Variants in SATB1 observed in about 807,000 individuals in gnomAD.
SATB1 encodes DNA-binding protein SATB1.
Under a neutral mutation model 86.9 loss-of-function variants are expected in SATB1, and 11 were observed. That is an observed-to-expected ratio of 0.13 (90% CI 0.08 to 0.21). The LOEUF (loss-of-function observed/expected upper bound fraction) is 0.21, where lower values mean the gene tolerates loss of function less well. SATB1 is among the 10% of genes least tolerant of loss of function. The pLI is 1.00. For missense variants in SATB1, 551 were observed against 937.6 expected (o/e 0.59, Z 5.39); for synonymous variants, 357 against 357.2 (o/e 1.00, Z 0.01).
At chr3:18,430,867 T>C (rs1265708636) in intron 2 of SATB1, among the ~76,000 whole-genome samples, 3 of 152,124 alleles carry the variant, frequency 2.0e-5, no homozygotes, top group Non-Finnish European at 4.4e-5. Context: ...TAGACAAAGG[T>C]CATTATAGTT....
intron 7 of SATB1, among the ~76,000 whole-genome samples, chr3:18,388,032 T>C (rs921489466): frequency 6.6e-6 from 1 of 152,068 alleles, no homozygotes; most frequent in African/African-American, 2.4e-5. Flanking sequence ...GGCTTCAGAG[T>C]CCATTTTAAA....
intron 8 of SATB1, among the ~76,000 whole-genome samples, chr3:18,380,102 G>A (rs1695969914): frequency 6.6e-6 from 1 of 152,200 alleles, no homozygotes; most frequent in Non-Finnish European, 1.5e-5. Flanking sequence ...CTTTGAGGCA[G>A]AGGGATAGAT....
At chr3:18,370,091 G>A (rs779682303) in intron 9 of SATB1, among the ~76,000 whole-genome samples, 5 of 152,150 alleles carry the variant, frequency 3.3e-5, no homozygotes, top group Admixed American at 6.5e-5. Flanking sequence ...TAATTAGTGG[G>A]ATCATTAAAG....
At chr3:18,357,871 C>A (rs1694726167) in intron 9 of SATB1, among the ~76,000 whole-genome samples, 1 of 151,768 alleles carries the variant, frequency 6.6e-6, no homozygotes, top group Non-Finnish European at 1.5e-5. Flanking sequence ...AATGCAGAAA[C>A]ACCCAAGACC....
chr3:18,396,605 G>T (rs993289347), intron 6 of SATB1, among the ~76,000 whole-genome samples: 2 of 152,114 alleles, frequency 1.3e-5, no homozygotes, highest in African/African-American at 2.4e-5. Context: ...TGTTAAGATA[G>T]AATGCTACCT....
upstream of SATB1, among the ~76,000 whole-genome samples, chr3:18,441,034 T>C (rs912072774): frequency 1.3e-5 from 2 of 152,218 alleles, no homozygotes; most frequent in African/African-American, 2.4e-5. Context: ...TGTGCCACTT[T>C]GGTCTTTTCA....
intron 9 of SATB1, among the ~76,000 whole-genome samples, chr3:18,364,331 T>C (rs956553652): frequency 6.6e-6 from 1 of 152,178 alleles, no homozygotes. Flanking sequence ...GTAATATATA[T>C]ACTTCTTTAT....
At chr3:18,441,344 A>G (rs1699239847), upstream of SATB1, among the ~76,000 whole-genome samples, 1 of 152,202 alleles carries the variant, frequency 6.6e-6, no homozygotes, top group South Asian at 2.1e-4. Context: ...TAAAAAGTGT[A>G]AAAGGCAATC....
In SATB1 at chr3:18,358,387, C is replaced by T. The variant is rs1455913493; in HGVS notation, c.1576-6192G>A. The stretch of plus-strand genomic sequence containing the variant: ...CATTATGAGAGGCCCCCACCATTAA[C>T]ATTAATAAAGATACATGTTCTCCTC... On this transcript the variant is annotated intron_variant, in intron 9 of 10. Coordinates refer to ENST00000338745, the MANE Select transcript of SATB1 (RefSeq NM_002971.6). Among the ~76,000 whole-genome samples the T allele has an allele frequency of 2.0e-5, 3 of 152,070 alleles. No individual in the cohort carries two copies. In the East Asian group the frequency reaches 5.8e-4, roughly 29 times the overall value.
At chr3:18,380,315 G>A (rs563728097) in intron 8 of SATB1, among the ~76,000 whole-genome samples, 1 of 152,196 alleles carries the variant, frequency 6.6e-6, no homozygotes, top group African/African-American at 2.4e-5. Context: ...TTGGTGTTTC[G>A]ATCTGTTTTT....
chr3:18,349,541 T>C lies in SATB1; in HGVS notation c.1921A>G (p.Asn641Asp), dbSNP rs559858854. Reference protein sequence around the residue: ...VASPAESDEENRQKTRPRTKI... With the variant: ...VASPAESDEEDRQKTRPRTKI... ...GTTCGTGGCCGGGTCTTCTGTCGGT[T>C]TTCCTCATCTGACTCTGCTGGAGAG... Residue 641 changes from asparagine to aspartate, a missense_variant, in exon 11 of 11, where the codon AAC becomes GAC. By Grantham distance (23) the Asn-to-Asp change is conservative. Coordinates refer to ENST00000338745, the MANE Select transcript of SATB1 (RefSeq NM_002971.6). The surrounding 1 kb of genome is among the most constrained non-coding windows in gnomAD (Gnocchi z 5.5). The C allele has an allele frequency of 1.2e-5, 20 of 1,614,088 alleles. No homozygotes were observed. In the African/African-American group the frequency reaches 2.0e-4, roughly 16 times the overall value.
intron 2 of SATB1, among the ~76,000 whole-genome samples, chr3:18,436,274 G>A (rs959347117): frequency 6.6e-6 from 1 of 152,098 alleles, no homozygotes; most frequent in Non-Finnish European, 1.5e-5. Context: ...AGGAAAGAAC[G>A]CATAGAAGGT....
intron 2 of SATB1, chr3:18,435,002 CGTT>C (rs1481991724): frequency 6.6e-6 from 1 of 152,078 alleles, no homozygotes; most frequent in East Asian, 1.9e-4. Flanking sequence ...ATTTTCTAAA[CGTT>C]GTGTATTAAA....
chr3:18,380,085 G>C (rs1042815891), intron 8 of SATB1, among the ~76,000 whole-genome samples: 1 of 152,130 alleles, frequency 6.6e-6, no homozygotes, highest in Non-Finnish European at 1.5e-5. Flanking sequence ...GCTCTGGGGT[G>C]GTCTTGCTTT....
chr3:18,355,118 C>A (rs750789010), intron 9 of SATB1, among the ~76,000 whole-genome samples: 1 of 151,918 alleles, frequency 6.6e-6, no homozygotes, highest in Non-Finnish European at 1.5e-5. Flanking sequence ...TTTAACGGTG[C>A]AGCTGGGAAC....
chr3:18,357,923 G>A (rs1231360293), intron 9 of SATB1, among the ~76,000 whole-genome samples: 1 of 151,816 alleles, frequency 6.6e-6, no homozygotes, highest in African/African-American at 2.4e-5. Flanking sequence ...AGGTCTAAAT[G>A]CTTCACACAC....
chr3:18,357,122 T>G (rs1694684719), intron 9 of SATB1, among the ~76,000 whole-genome samples: 1 of 151,770 alleles, frequency 6.6e-6, no homozygotes, highest in Non-Finnish European at 1.5e-5. Context: ...AAGCAAAACA[T>G]TTTACAGTCT....
intron 9 of SATB1, among the ~76,000 whole-genome samples, chr3:18,353,657 A>T (rs1246872558): frequency 6.6e-6 from 1 of 152,194 alleles, no homozygotes; most frequent in Non-Finnish European, 1.5e-5. Flanking sequence ...TGAAACGATT[A>T]GAGAGAAAAT....
chr3:18,437,113 A>G (rs1699090196), intron 1 of SATB1, among the ~76,000 whole-genome samples: 1 of 152,214 alleles, frequency 6.6e-6, no homozygotes, highest in East Asian at 1.9e-4. Flanking sequence ...TTAAGTAATC[A>G]CAATTTGGCT....
Sources: gnomAD v4.1 joint callset for allele counts (sites outside exome capture counted in the v4.1 genomes callset) on GRCh38, gnomAD v4.1.1 for gene constraint, Gnocchi (gnomAD v3.1) non-coding constraint, MANE v1.5 for transcripts, NCBI Gene and HGNC (gene_info 2026-07-23, HGNC 2026-07-21) for gene names.